Variants in SMCHD1 observed in about 807,000 individuals in gnomAD.
SMCHD1 encodes structural maintenance of chromosomes flexible hinge domain-containing protein 1.
In SMCHD1, 78 loss-of-function variants were observed where a neutral mutation model predicts 254.7. That is an observed-to-expected ratio of 0.31 (90% CI 0.26 to 0.37). The LOEUF (loss-of-function observed/expected upper bound fraction) is 0.37. SMCHD1 is among the 10% of genes least tolerant of loss of function. SMCHD1 has a pLI of 1.00. For synonymous variants in SMCHD1, 766 were observed against 794.9 expected, an observed-to-expected ratio of 0.96 and a Z score of 0.61; for missense variants, 1,840 against 2,408.1, an observed-to-expected ratio of 0.76 and a Z score of 4.94.
At chr18:2,672,990 T>C (rs2073653625) in intron 3 of SMCHD1, 1 of 806,690 alleles carries the variant, frequency 1.2e-6, no homozygotes. Flanking sequence ...TCTGTTTGTC[T>C]CTTAATGTCT....
At chr18:2,717,527 A>AT (rs2074828485) in intron 17 of SMCHD1, among the ~76,000 whole-genome samples, 1 of 152,110 alleles carries the variant, frequency 6.6e-6, no homozygotes, top group South Asian at 2.1e-4. Flanking sequence ...GAGACAAGCC[A>AT]TCACTATATG....
chr18:2,751,058 T>A (rs1351991929), intron 32 of SMCHD1, among the ~76,000 whole-genome samples: 3 of 152,142 alleles, frequency 2.0e-5, no homozygotes, highest in African/African-American at 7.2e-5. Flanking sequence ...TATGGTGCTA[T>A]GACCAATTGG....
Position 2,729,303 on chromosome 18 carries a change from A to G in SMCHD1, c.2942A>G (p.Tyr981Cys), listed in dbSNP as rs1598376590. Residue 981 changes from tyrosine to cysteine, a missense_variant, in exon 24 of 48, where the codon TAT becomes TGT. Physicochemically the swap from Tyr to Cys is radical, Grantham distance 194. Coordinates refer to ENST00000320876, the MANE Select transcript of SMCHD1 (RefSeq NM_015295.3). ...KFSGAPNLPVYVVDCSSSGTS... is the reference protein window; with the variant it reads ...KFSGAPNLPVCVVDCSSSGTS... ...TCAGGTGCTCCAAACCTTCCAGTCT[A>G]TGTTGTAGATTGCAGTAGTTCTGGA... 6.5e-7 allele frequency: 1 copy of G among 1,548,286 alleles called. No homozygotes were observed. The highest frequency in any genetic ancestry group is 8.7e-7 in the Non-Finnish European group (1 of 1,148,660).
At chr18:2,796,135 A>G (rs777271432) in intron 46 of SMCHD1, 28 bp downstream of exon 46, 2 of 1,469,160 alleles carry the variant, frequency 1.4e-6, no homozygotes, top group African/African-American at 1.4e-5. Flanking sequence ...GTTAACTTCT[A>G]CTTTCTTTAT....
intron 25 of SMCHD1, among the ~76,000 whole-genome samples, chr18:2,733,880 A>C (rs1445611235): frequency 2.6e-5 from 4 of 152,210 alleles, no homozygotes; most frequent in Non-Finnish European, 5.9e-5. Context: ...AGTTAGAAAT[A>C]AGCATTCCTC....
chr18:2,707,100 C>T (rs942984262), intron 15 of SMCHD1, among the ~76,000 whole-genome samples: 3 of 152,158 alleles, frequency 2.0e-5, no homozygotes, highest in Admixed American at 6.5e-5. Context: ...TCCCTTGACA[C>T]CTGGGGATTA....
chr18:2,708,907 T>TATATATATATATATATATATATATAA lies in SMCHD1; in HGVS notation c.2260+988_2260+989insTATATATATATATATATATATATAAA, dbSNP rs769432583. On this transcript the variant is annotated intron_variant, in intron 17 of 47. Transcript: ENST00000320876. The stretch of plus-strand genomic sequence containing the variant: ...ATATATATATATATATATATATATA[T>TATATATATATATATATATATATATAA]AACATATTAACATGAAATTTATGAA... Among the ~76,000 whole-genome samples, 177 of 44,686 alleles carry TATATATATATATATATATATATATAA rather than the reference T, an allele frequency of 4.0e-3. 54 individuals carry two copies. Among genetic ancestry groups the TATATATATATATATATATATATATAA allele is most frequent in the Middle Eastern group, 0.018 (1 of 56 alleles). The allele number at this position is 44,686 out of a possible 152,430, so 29.3% of individuals were successfully genotyped here.
intron 44 of SMCHD1, among the ~76,000 whole-genome samples, chr18:2,783,635 C>T (rs1475365057): frequency 4.6e-5 from 7 of 151,372 alleles, no homozygotes; most frequent in African/African-American, 1.5e-4. Context: ...TGCAGTGGTG[C>T]GATCTCAGCT....
chr18:2,770,159 G>A (rs2075952309), intron 39 of SMCHD1, 51 bp downstream of exon 39: 1 of 1,563,486 alleles, frequency 6.4e-7, no homozygotes, highest in African/African-American at 1.4e-5. Context: ...GAATGATGAG[G>A]CAGGTGAGAT....
At chr18:2,702,419 TTGAC>T (rs1474936030) in intron 12 of SMCHD1, 1 of 152,236 alleles carries the variant, frequency 6.6e-6, no homozygotes, top group Non-Finnish European at 1.5e-5. Flanking sequence ...GAATTGTACT[TTGAC>T]TGTTACTGAG....
At chr18:2,779,791 C>T (rs1307772224) in intron 44 of SMCHD1, among the ~76,000 whole-genome samples, 1 of 152,110 alleles carries the variant, frequency 6.6e-6, no homozygotes. Flanking sequence ...TGAATAGCCA[C>T]TGCACTCCAG....
Position 2,802,556 on chromosome 18 carries a change from G to A in SMCHD1, c.*4G>A, listed in dbSNP as rs1412356049. 1 of 1,552,312 alleles carries A rather than the reference G, an allele frequency of 6.4e-7. No individual in the cohort carries two copies. The highest frequency in any genetic ancestry group is 8.7e-7 in the Non-Finnish European group (1 of 1,147,364). ...TATAACCAAAACAGATGTATGAGAG[G>A]TGACAGAGAGAAGAGGCCATTGGTC... On this transcript the variant is annotated 3_prime_UTR_variant, in exon 48 of 48. Transcript: ENST00000320876.
Position 2,803,137 on chromosome 18 carries a change from A to T in SMCHD1, c.*585A>T, listed in dbSNP as rs1301744055. On this transcript the variant is annotated 3_prime_UTR_variant, in exon 48 of 48. Transcript: ENST00000320876. ...CAGAACAACATTAAATCAATGAGTG[A>T]ACTTGTGACAGTGGTAGCATTTCAA... 1.3e-5 allele frequency: 2 copies of T among 150,070 alleles called. 1 individual carries two copies. Among genetic ancestry groups the T allele is most frequent in the East Asian group, 3.9e-4 (2 of 5,162 alleles). 9.3% of individuals were successfully genotyped at this position (150,070 alleles called of 1,614,324 possible).
intron 44 of SMCHD1, 28 bp from the exon 45 acceptor site, chr18:2,784,422 C>G (rs1203505140): frequency 1.3e-6 from 2 of 1,565,162 alleles, no homozygotes; most frequent in Admixed American, 2.0e-5. Context: ...AAGTTGCTCA[C>G]TACTTACTAT....
At chr18:2,681,549 C>G (rs1477798345) in intron 5 of SMCHD1, among the ~76,000 whole-genome samples, 1 of 143,500 alleles carries the variant, frequency 7.0e-6, no homozygotes, top group Admixed American at 7.2e-5. Flanking sequence ...CACGCCACTG[C>G]ACTCCAGCCT....
intron 45 of SMCHD1, among the ~76,000 whole-genome samples, chr18:2,788,392 G>T (rs1049265162): frequency 2.0e-5 from 3 of 152,110 alleles, no homozygotes; most frequent in Admixed American, 6.6e-5. Context: ...GTTCAAAAAG[G>T]TTAGATAGCT....
At chr18:2,670,851 A>C (rs1009457169) in intron 3 of SMCHD1, among the ~76,000 whole-genome samples, 1 of 148,054 alleles carries the variant, frequency 6.8e-6, no homozygotes, top group African/African-American at 2.5e-5. Context: ...TAGTGAGCTG[A>C]GATCATGCCA....
intron 15 of SMCHD1, chr18:2,707,315 CA>C (rs1276432539): frequency 3.8e-6 from 1 of 259,886 alleles, no homozygotes; most frequent in East Asian, 7.0e-5. Context: ...AAAAAATCAA[CA>C]AAAATTTGAC....
chr18:2,696,501 A>G (rs2074288389), intron 8 of SMCHD1, among the ~76,000 whole-genome samples: 1 of 152,120 alleles, frequency 6.6e-6, no homozygotes. Context: ...TTCATCCCAA[A>G]TCACCCCCCT....
Sources: allele counts gnomAD v4.1 joint callset (sites outside exome capture counted in the v4.1 genomes callset), GRCh38; gene constraint gnomAD v4.1.1; transcripts MANE v1.5; gene names NCBI Gene and HGNC (gene_info 2026-07-23, HGNC 2026-07-21).